CAPN14: variants seen among roughly 807,000 people sequenced by gnomAD.
CAPN14 encodes the protein calpain 14.
A neutral mutation model predicts 101.3 loss-of-function variants in CAPN14; 94 were observed. The observed-to-expected ratio is 0.93, with a 90% CI of 0.79 to 1.10. The LOEUF (loss-of-function observed/expected upper bound fraction) is 1.10. Ranked by LOEUF, CAPN14 falls within the 50% of genes least tolerant of loss-of-function variation. The pLI is 0.00. For missense variants in CAPN14, 837 were observed against 828.4 expected, an observed-to-expected ratio of 1.01 and a Z score of -0.13; for synonymous variants, 338 against 317.9, an observed-to-expected ratio of 1.06 and a Z score of -0.67.
In CAPN14 at chr2:31,230,883, G is replaced by A. The variant is rs1683170399; in HGVS notation, c.-177+2908C>T. ...TTGTGCTTCTGACGTCTTGTTTAAA[G>A]AACTCTTCCTGACTTTGTGGTGATA... On this transcript the variant is annotated intron_variant and NMD_transcript_variant, in intron 1 of 21. Transcript: ENST00000398824. This position sits in a 1 kb window ranked among gnomAD's most constrained non-coding sequence, Gnocchi z 4.3. 6.6e-6 allele frequency among the ~76,000 whole-genome samples: 1 copy of A among 152,134 alleles called. No individual in the cohort carries two copies. The highest frequency in any genetic ancestry group is 1.5e-5 in the Non-Finnish European group (1 of 68,026).
In CAPN14 at chr2:31,176,609, C is replaced by T; in HGVS notation, c.2006G>A (p.Gly669Glu). 6.4e-7 allele frequency: 1 copy of T among 1,551,678 alleles called. No homozygotes were observed. The highest frequency in any genetic ancestry group is 8.7e-7 in the Non-Finnish European group (1 of 1,146,974). The change falls in exon 21 of 22, where the codon GGG (glycine) becomes GAG (glutamate). Residue 669 changes from glycine to glutamate, a missense_variant. Physicochemically the swap from Gly to Glu is moderately conservative, Grantham distance 98. Transcript: ENST00000403897. The stretch of plus-strand genomic sequence containing the variant: ...TACCTCTGGCTTCTGGAGGTATATC[C>T]CTTTGCCATCTTGGGTTAAGTTTTG... ...VFQNLTQDGK[G>E]IYLQKPEWMM... is the part of the protein sequence containing the mutation.
intron 2 of CAPN14, among the ~76,000 whole-genome samples, chr2:31,203,920 C>T (rs894921671): frequency 5.9e-5 from 9 of 152,192 alleles, no homozygotes; most frequent in East Asian, 5.8e-4. Flanking sequence ...CATTTGAACA[C>T]ATTAAGAAGT....
At chr2:31,182,851 G>C (rs894554748) in intron 16 of CAPN14, among the ~76,000 whole-genome samples, 1 of 151,630 alleles carries the variant, frequency 6.6e-6, no homozygotes, top group African/African-American at 2.4e-5. Flanking sequence ...AGTTCACATG[G>C]AACCAAAAAA....
chr2:31,189,827 T>C lies in CAPN14; in HGVS notation c.1288-349A>G, dbSNP rs143514161. Reference sequence around the variant, plus strand: ...GACGGGTTAGGTCATCTGCCCAGAGTCATCAGCTGGGTACAGTCCCAGCCC... The same window carrying C: ...GACGGGTTAGGTCATCTGCCCAGAGCCATCAGCTGGGTACAGTCCCAGCCC... On this transcript the variant is annotated intron_variant, in intron 12 of 21. Transcript: ENST00000403897. Among the ~76,000 whole-genome samples, 678 of 152,164 alleles carry C rather than the reference T, an allele frequency of 4.5e-3. 5 individuals are homozygous for C. Among genetic ancestry groups the C allele is most frequent in the African/African-American group, 0.015 (625 of 41,526 alleles).
intron 1 of CAPN14, among the ~76,000 whole-genome samples, chr2:31,206,028 T>A (rs1682063008): frequency 8.1e-6 from 1 of 123,608 alleles, no homozygotes; most frequent in South Asian, 3.1e-4. Flanking sequence ...TTTATTTTTT[T>A]TATTTATTTA....
upstream of CAPN14, among the ~76,000 whole-genome samples, chr2:31,221,091 A>C (rs1682850153): frequency 6.6e-6 from 1 of 152,276 alleles, no homozygotes; most frequent in African/African-American, 2.4e-5. Context: ...TAAGTTATTA[A>C]ATCCTTCACA....
At position 31,174,228 on chromosome 2, in the gene CAPN14, TGGG is replaced by T. The variant is rs1283329206; in HGVS notation, c.*450_*452del. On this transcript the variant is annotated 3_prime_UTR_variant, in exon 22 of 22. Coordinates refer to ENST00000403897, the MANE Select transcript of CAPN14 (RefSeq NM_001145122.2). ...TATGTCTCTATCAATTTGCAGATGC[TGGG>T]ACTAAATGTCTAAGGATATATCATT... is the stretch of plus-strand genomic sequence containing the variant. The T allele has an allele frequency of 3.3e-5, 6 of 184,246 alleles. No individual in the cohort carries two copies. Among genetic ancestry groups the T allele is most frequent in the African/African-American group, 1.4e-4 (6 of 41,952 alleles). The allele number at this position is 184,246 out of a possible 1,614,324, so 11.4% of individuals were successfully genotyped here. A position where few individuals can be genotyped will look rare whatever the true frequency, so the allele number is the denominator to read the frequency against.
At chr2:31,177,710 G>T in intron 19 of CAPN14, 36 bp downstream of exon 19, 1 of 1,467,810 alleles carries the variant, frequency 6.8e-7, no homozygotes, top group Non-Finnish European at 9.3e-7. Context: ...CACCCTGCCC[G>T]TGTGTGCCCA....
At chr2:31,207,313 C>A (rs921518517) in intron 1 of CAPN14, among the ~76,000 whole-genome samples, 6 of 152,210 alleles carry the variant, frequency 3.9e-5, no homozygotes, top group Admixed American at 2.6e-4. Context: ...TCTATGGACC[C>A]ATTGTCTGCC....
rs1681800740 is a variant in CAPN14 at position 31,201,874 on chromosome 2, T to G, written c.539A>C (p.Lys180Thr). 6.4e-7 allele frequency: 1 copy of G among 1,551,462 alleles called. No homozygotes were observed. The highest frequency in any genetic ancestry group is 2.4e-5 in the East Asian group (1 of 40,904). Residue 180 changes from lysine to threonine, a missense_variant, in exon 5 of 22, where the codon AAG becomes ACG. Lys to Thr is a moderately conservative substitution (Grantham distance 78). Transcript: ENST00000403897. ...GCCGGTTTCTTACTTGGCATAGGCC[T>G]TTTCCAGAAGTGCTCCCCAGAACAA... ...KNLFWGALLE[K>T]AYAKLSGSYE... is the part of the protein sequence containing the mutation.
intron 1 of CAPN14, among the ~76,000 whole-genome samples, chr2:31,227,146 T>A (rs1558641556): frequency 6.6e-6 from 1 of 152,130 alleles, no homozygotes; most frequent in South Asian, 2.1e-4. Flanking sequence ...GAAGTTGAGG[T>A]TCTTAGAAGC....
At chr2:31,177,709 C>G (rs748549001) in intron 19 of CAPN14, 37 bp downstream of exon 19, 5 of 1,459,798 alleles carry the variant, frequency 3.4e-6, no homozygotes, top group Non-Finnish European at 4.7e-6. Context: ...GCACCCTGCC[C>G]GTGTGTGCCC....
In CAPN14 at chr2:31,225,033, G is replaced by A. The variant is rs546869610; in HGVS notation, c.-53+1495C>T. On this transcript the variant is annotated intron_variant and NMD_transcript_variant, in intron 2 of 21. Transcript: ENST00000398824. ...AGAAGACAAGGAGAAGGTAATTGGC[G>A]AAACATTAAAATTAACTTGGATTAG... Among the ~76,000 whole-genome samples the A allele has an allele frequency of 8.6e-5, 13 of 151,908 alleles. No individual in the cohort carries two copies. In the East Asian group the frequency reaches 1.9e-3, roughly 23 times the overall value.
intron 9 of CAPN14, among the ~76,000 whole-genome samples, chr2:31,194,040 G>C (rs1305212962): frequency 5.3e-5 from 8 of 152,164 alleles, no homozygotes. Context: ...GAGGGCACTG[G>C]TCAGGGGCCT....
chr2:31,176,521 G>T, intron 21 of CAPN14, 66 bp downstream of exon 21: 1 of 1,273,318 alleles, frequency 7.9e-7, no homozygotes, highest in Non-Finnish European at 1.1e-6. Context: ...CTTCACAAGA[G>T]CATGGTCCCG....
intron 2 of CAPN14, among the ~76,000 whole-genome samples, chr2:31,203,932 G>A (rs1013075016): frequency 6.6e-6 from 1 of 152,158 alleles, no homozygotes; most frequent in Non-Finnish European, 1.5e-5. Context: ...TTAAGAAGTT[G>A]CTTTTTAAAG....
rs750442499 is a variant in CAPN14, at chr2:31,189,451, G to C, written c.1315C>G (p.Pro439Ala). The C allele has an allele frequency of 1.5e-5, 24 of 1,551,482 alleles. No individual in the cohort carries two copies. In the South Asian group the frequency reaches 2.6e-4, roughly 17 times the overall value. Reference sequence around the variant, plus strand: ...GGAGTGTTTCTCTGGAAGAACTCAGGGGGCAGTCTCCTCTGGTCATCATGG... The same window carrying C: ...GGAGTGTTTCTCTGGAAGAACTCAGCGGGCAGTCTCCTCTGGTCATCATGG... ...KYHDDQRRLP[P>A]EFFQRNTPLS... Residue 439 changes from proline (P) to alanine (A), a missense_variant, in exon 13 of 22, where the codon CCT becomes GCT. Coordinates refer to ENST00000403897, the MANE Select transcript of CAPN14 (RefSeq NM_001145122.2).
intron 1 of CAPN14, among the ~76,000 whole-genome samples, chr2:31,212,940 G>A (rs1041360018): frequency 2.0e-5 from 3 of 152,218 alleles, no homozygotes; most frequent in African/African-American, 7.2e-5. Flanking sequence ...AGGCAAAATT[G>A]TAGTAGAAAC....
chr2:31,233,756 C>T (rs62140686), intron 1 of CAPN14: 1 of 135,202 alleles, frequency 7.4e-6, no homozygotes, highest in Non-Finnish European at 1.5e-5. Context: ...CCTTTCTATG[C>T]CAAAAAAAAA....
Sources: gnomAD v4.1 joint callset for allele counts (sites outside exome capture counted in the v4.1 genomes callset) on GRCh38, gnomAD v4.1.1 for gene constraint, Gnocchi (gnomAD v3.1) non-coding constraint, MANE v1.5 for transcripts, NCBI Gene and HGNC (gene_info 2026-07-23, HGNC 2026-07-21) for gene names.